PAH: variants seen among roughly 807,000 people sequenced by gnomAD.
PAH encodes the protein phenylalanine hydroxylase, also known as phenylalanine-4-hydroxylase.
PAH carries 64 observed loss-of-function variants against 62.0 expected under a neutral mutation model. The ratio of observed to expected loss-of-function variants is 1.03; its 90% CI spans 0.84 to 1.27. The LOEUF is 1.27. Ranked by LOEUF, PAH falls within the 50% of genes most tolerant of loss-of-function variation. The pLI is 0.00. For synonymous variants in PAH, 195 were observed against 196.2 expected, an observed-to-expected ratio of 0.99 and a Z score of 0.05; for missense variants, 579 against 542.8, an observed-to-expected ratio of 1.07 and a Z score of -0.66.
chr12:102,948,744 T>C (rs1236771489), intron 1 of PAH, among the ~76,000 whole-genome samples: 1 of 152,200 alleles, frequency 6.6e-6, no homozygotes, highest in African/African-American at 2.4e-5. Flanking sequence ...AGAGAAATAG[T>C]TCTTTATCTT....
chr12:102,915,954 C>A (rs3805120), intron 1 of PAH, among the ~76,000 whole-genome samples: 3 of 151,934 alleles, frequency 2.0e-5, no homozygotes, highest in African/African-American at 7.3e-5. Context: ...GAACTTTAAA[C>A]CCCTATGCTT....
exon 1 of PAH, chr12:102,958,199 C>G (rs1203048121): frequency 1.4e-5 from 20 of 1,403,540 alleles, no homozygotes; most frequent in Non-Finnish European, 1.8e-5. Flanking sequence ...CCGCACCTCG[C>G]GTCCCGGATC....
At chr12:102,894,957 G>T in intron 2 of PAH, 39 bp from the exon 3 acceptor site, 2 of 1,505,078 alleles carry the variant, frequency 1.3e-6, no homozygotes, top group Non-Finnish European at 1.8e-6. Context: ...GACAGTCACT[G>T]GAACTAACGC....
Position 102,877,504 on chromosome 12 carries a change from A to G in PAH, c.399T>C (p.Asn133=), listed in dbSNP as rs145692106. Residue 133 remains asparagine, a synonymous_variant, in exon 4 of 13, where the codon AAT becomes AAC. Coordinates refer to ENST00000553106, the MANE Select transcript of PAH (RefSeq NM_000277.3). The part of the protein sequence containing the change: ...RTIQELDRFA[N]QILSYGAELD... ...GTTCCGCTCCATAGCTGAGAATCTG[A>G]TTGGCAAATCTGTCCAGCTCTTGAA... The G allele has an allele frequency of 1.6e-4, 253 of 1,614,020 alleles. 2 individuals are homozygous for G. The highest frequency in any genetic ancestry group is 5.5e-5 in the South Asian group (5 of 91,088).
At chr12:102,880,804 A>G (rs1322673684) in intron 3 of PAH, among the ~76,000 whole-genome samples, 1 of 152,156 alleles carries the variant, frequency 6.6e-6, no homozygotes, top group Non-Finnish European at 1.5e-5. Flanking sequence ...AAATTCTTGA[A>G]GAAGAAGAAT....
Position 102,839,554 on chromosome 12 carries a change from G to T in PAH, c.1316-336C>A, listed in dbSNP as rs368631909. Among the ~76,000 whole-genome samples the T allele has an allele frequency of 5.1e-4, 77 of 152,318 alleles. 1 individual carries two copies. The South Asian group carries it at 7.5e-3, about 15-fold the overall frequency. On this transcript the variant is annotated intron_variant, in intron 12 of 12. Coordinates refer to ENST00000553106, the MANE Select transcript of PAH (RefSeq NM_000277.3). ...AGAAGCGAAATCATTGAACCTAATAGTATGGTTCACACAAAACTCTAGTGT... is the reference window on the plus strand; with the variant it reads ...AGAAGCGAAATCATTGAACCTAATATTATGGTTCACACAAAACTCTAGTGT...
At chr12:102,943,902 G>A (rs547265291) in intron 1 of PAH, among the ~76,000 whole-genome samples, 3 of 152,230 alleles carry the variant, frequency 2.0e-5, no homozygotes, top group South Asian at 2.1e-4. Flanking sequence ...GGAGAAGGGT[G>A]AGGATTGAAA....
At chr12:102,941,564 A>G (rs1453663501) in intron 1 of PAH, among the ~76,000 whole-genome samples, 1 of 152,148 alleles carries the variant, frequency 6.6e-6, no homozygotes, top group East Asian at 1.9e-4. Flanking sequence ...AATGAAGTAG[A>G]GGATCACATA....
At chr12:102,921,924 T>C (rs758323163), upstream of PAH, among the ~76,000 whole-genome samples, 82 of 152,298 alleles carry the variant, frequency 5.4e-4, no homozygotes, top group Non-Finnish European at 1.1e-3. Flanking sequence ...CCAAGTTATA[T>C]AATTTTTTCC....
At chr12:102,870,731 T>A (rs1390587588) in intron 4 of PAH, among the ~76,000 whole-genome samples, 1 of 152,172 alleles carries the variant, frequency 6.6e-6, no homozygotes, top group African/African-American at 2.4e-5. Flanking sequence ...GGGGGAAGGA[T>A]GGAACACAGA....
chr12:102,926,874 A>G (rs994761048), intron 1 of PAH, among the ~76,000 whole-genome samples: 3 of 151,866 alleles, frequency 2.0e-5, no homozygotes, highest in African/African-American at 7.3e-5. Context: ...TCTCTTCCCA[A>G]TTCTGTGTTC....
At chr12:102,908,140 A>G (rs1878052272) in intron 2 of PAH, among the ~76,000 whole-genome samples, 1 of 151,966 alleles carries the variant, frequency 6.6e-6, no homozygotes, top group African/African-American at 2.4e-5. Context: ...TGCAGTTGAG[A>G]TTCTGGATAA....
At chr12:102,898,580 A>T (rs1165726853) in intron 2 of PAH, among the ~76,000 whole-genome samples, 1 of 152,224 alleles carries the variant, frequency 6.6e-6, no homozygotes, top group Non-Finnish European at 1.5e-5. Context: ...GGTTCAAAAG[A>T]ACTGTAGTGA....
chr12:102,853,449 G>T (rs1875269518), intron 6 of PAH: 1 of 208,302 alleles, frequency 4.8e-6, no homozygotes, highest in Non-Finnish European at 9.8e-6. Flanking sequence ...TGTCTGACTG[G>T]AGCATTTGGG....
At chr12:102,929,504 CT>C (rs1878785478) in intron 1 of PAH, among the ~76,000 whole-genome samples, 1 of 152,150 alleles carries the variant, frequency 6.6e-6, no homozygotes, top group Non-Finnish European at 1.5e-5. Context: ...GAGTGGAAAG[CT>C]CCTTGGGGTA....
chr12:102,947,187 A>T (rs185745481), intron 1 of PAH, among the ~76,000 whole-genome samples: 2 of 151,712 alleles, frequency 1.3e-5, no homozygotes, highest in African/African-American at 4.8e-5. Flanking sequence ...GTGTGTGTAT[A>T]TGTGTGTGTG....
intron 1 of PAH, among the ~76,000 whole-genome samples, chr12:102,928,849 G>C (rs1276675096): frequency 6.6e-6 from 1 of 152,110 alleles, no homozygotes; most frequent in Non-Finnish European, 1.5e-5. Context: ...AAAAATATTT[G>C]TTCAGCTTTT....
chr12:102,908,233 C>T (rs2136721470), intron 2 of PAH, among the ~76,000 whole-genome samples: 2 of 151,672 alleles, frequency 1.3e-5, no homozygotes, highest in Admixed American at 1.3e-4. Context: ...CACACACACA[C>T]ACACACACAC....
chr12:102,872,398 A>G (rs560863046), intron 4 of PAH, among the ~76,000 whole-genome samples: 4 of 152,296 alleles, frequency 2.6e-5, no homozygotes, highest in African/African-American at 9.6e-5. Flanking sequence ...GGTGTTCACT[A>G]TATACCTGCA....
Sources: gnomAD v4.1 joint callset for allele counts (sites outside exome capture counted in the v4.1 genomes callset) on GRCh38, gnomAD v4.1.1 for gene constraint, MANE v1.5 for transcripts, NCBI Gene and HGNC (gene_info 2026-07-23, HGNC 2026-07-21) for gene names.